The following ANKRD2 variants were observed in gnomAD, a reference collection of about 807,000 sequenced individuals.
The protein encoded by ANKRD2 is ankyrin repeat domain 2, also known as ankyrin repeat domain-containing protein 2.
ANKRD2 carries 35 observed loss-of-function variants against 37.3 expected under a neutral mutation model. That is an observed-to-expected ratio of 0.94 (90% CI 0.72 to 1.24). The LOEUF (loss-of-function observed/expected upper bound fraction) is 1.24. Ranked by LOEUF, ANKRD2 falls within the 50% of genes most tolerant of loss-of-function variation. ANKRD2 has a pLI of 0.00. For synonymous variants in ANKRD2, 159 were observed against 186.5 expected (o/e 0.85, Z 1.20); for missense variants, 410 against 445.6 (o/e 0.92, Z 0.72).
rs1370997209 is a variant in ANKRD2, at chr10:97,578,246, G to C, written c.196G>C (p.Glu66Gln). The change falls in exon 3 of 9, where the codon GAG becomes CAG. Residue 66 changes from glutamate to glutamine, a missense_variant. Glu to Gln is a conservative substitution (Grantham distance 29). Coordinates refer to ENST00000370655, the MANE Select transcript of ANKRD2 (RefSeq NM_001346793.2). ...SAALQKVKGQ[E>Q]RVRKTSLDLR... The stretch of plus-strand genomic sequence containing the variant: ...GATGGGCCATCCCGCGCAGGGCCAA[G>C]AGCGCGTGCGCAAGACGTCCCTGGA... 1 of 1,557,422 alleles carries C rather than the reference G, an allele frequency of 6.4e-7. No homozygotes were observed. The highest frequency in any genetic ancestry group is 1.4e-5 in the African/African-American group (1 of 72,596).
intron 4 of ANKRD2, among the ~76,000 whole-genome samples, chr10:97,579,191 A>G (rs1387716148): frequency 1.3e-5 from 2 of 151,136 alleles, no homozygotes; most frequent in South Asian, 4.2e-4. Context: ...TTTTTTTGGT[A>G]AAAGGAAAAA....
intron 3 of ANKRD2, 30 bp downstream of exon 3, chr10:97,578,428 G>A: frequency 6.2e-7 from 1 of 1,611,906 alleles, no homozygotes; most frequent in Non-Finnish European, 8.5e-7. Context: ...CACCGCGAGG[G>A]GGCGGAGGGG....
Position 97,582,404 on chromosome 10 carries a change from CAG to C in ANKRD2, c.748_749del (p.Asp250GlnfsTer9), listed in dbSNP as rs1236307679. On this transcript the variant is annotated frameshift_variant, in exon 7 of 9. Coordinates refer to ENST00000370655, the MANE Select transcript of ANKRD2 (RefSeq NM_001346793.2). LOFTEE classifies it high-confidence loss of function. The stretch of plus-strand genomic sequence containing the variant: ...TATCCCTGGGCCTGGAAATCAATGC[CAG>C]AGACAGGGTGAGTGCTAGCCTGTCC... The part of the protein sequence containing the change: ...FLSLGLEINA[R>X]DREGDTALHD... 6.4e-7 allele frequency: 1 copy of C among 1,566,162 alleles called. No individual in the cohort carries two copies. The highest frequency in any genetic ancestry group is 8.7e-7 in the Non-Finnish European group (1 of 1,155,242).
In ANKRD2 at chr10:97,583,723, T is replaced by C; in HGVS notation, c.1000T>C (p.Ter334ArgextTer28). The change falls in exon 9 of 9, where the codon TGA becomes CGA. Residue 334 changes from the stop codon to arginine (R), a stop_lost. Coordinates refer to ENST00000370655, the MANE Select transcript of ANKRD2 (RefSeq NM_001346793.2). ...GACCCCTCAGCCTGTGCCAGCCCAGTGAATGCGTGCCCCAGCCCAGCCAGC... is the reference window on the plus strand; with the variant it reads ...GACCCCTCAGCCTGTGCCAGCCCAGCGAATGCGTGCCCCAGCCCAGCCAGC... ...RETPQPVPAQ* is the reference protein window; with the variant it reads ...RETPQPVPAQR 1 of 1,531,798 alleles carries C rather than the reference T, an allele frequency of 6.5e-7. No individual in the cohort carries two copies. The highest frequency in any genetic ancestry group is 8.8e-7 in the Non-Finnish European group (1 of 1,140,622). The allele number at this position is 1,531,798 out of a possible 1,614,324, so 94.9% of individuals were successfully genotyped here. A position where few individuals can be genotyped will look rare whatever the true frequency, so the allele number is the denominator to read the frequency against.
chr10:97,573,169 A>AGCCC (rs1276200208), intron 1 of ANKRD2, among the ~76,000 whole-genome samples: 2 of 152,180 alleles, frequency 1.3e-5, no homozygotes, highest in Non-Finnish European at 2.9e-5. Flanking sequence ...CAAAGCAGAC[A>AGCCC]GCTGGGTGCT....
At chr10:97,573,401 G>A (rs1024002573) in intron 1 of ANKRD2, among the ~76,000 whole-genome samples, 4 of 151,904 alleles carry the variant, frequency 2.6e-5, no homozygotes, top group Admixed American at 2.0e-4. Context: ...GAAGTGGAGC[G>A]GTGGCAGGGG....
chr10:97,582,476 C>T (rs981637978), intron 7 of ANKRD2, 63 bp downstream of exon 7: 1 of 1,588,492 alleles, frequency 6.3e-7, no homozygotes, highest in Non-Finnish European at 8.6e-7. Flanking sequence ...CGGGCCCCTA[C>T]AGGTGGTGTC....
At chr10:97,578,144 G>GGGGCCCCCCCC in intron 2 of ANKRD2, 96 bp from the exon 3 acceptor site, 1 of 685,432 alleles carries the variant, frequency 1.5e-6, no homozygotes, top group Non-Finnish European at 2.5e-6. Context: ...GGGTCTTCCT[G>GGGGCCCCCCCC]CCCACCCCAC....
At chr10:97,578,147 C>CCCCCCCCCCCCCCCCCCCCA in intron 2 of ANKRD2, 93 bp from the exon 3 acceptor site, 4 of 718,820 alleles carry the variant, frequency 5.6e-6, no homozygotes, top group East Asian at 2.9e-5. Context: ...TCTTCCTGCC[C>CCCCCCCCCCCCCCCCCCCCA]ACCCCACCCT....
intron 2 of ANKRD2, 78 bp from the exon 3 acceptor site, chr10:97,578,161 CA>C: frequency 7.5e-7 from 1 of 1,338,006 alleles, no homozygotes; most frequent in Non-Finnish European, 1.0e-6. Flanking sequence ...CCACCCTCCC[CA>C]CCAGCTTAGC....
chr10:97,575,052 A>G (rs1022347794), intron 1 of ANKRD2, among the ~76,000 whole-genome samples: 3 of 152,258 alleles, frequency 2.0e-5, no homozygotes, highest in African/African-American at 7.2e-5. Context: ...ATAGCAATCT[A>G]TGACGTAAAG....
chr10:97,572,744 C>G, upstream of ANKRD2: 1 of 1,605,004 alleles, frequency 6.2e-7, no homozygotes, highest in Non-Finnish European at 8.5e-7. Flanking sequence ...GGTGGGTGCT[C>G]TGGCCTATAA....
At chr10:97,574,326 T>C (rs1172348409) in intron 1 of ANKRD2, among the ~76,000 whole-genome samples, 1 of 150,316 alleles carries the variant, frequency 6.7e-6, no homozygotes, top group African/African-American at 2.4e-5. Flanking sequence ...GGAGGATACC[T>C]GAGCTGGGCC....
intron 6 of ANKRD2, 104 bp downstream of exon 6, chr10:97,581,518 A>C (rs546810729): frequency 2.6e-5 from 31 of 1,172,386 alleles, no homozygotes; most frequent in Non-Finnish European, 1.2e-6. Flanking sequence ...GTAGTGAGCT[A>C]GTCTGGTTTC....
chr10:97,572,600 G>A (rs1023125733), upstream of ANKRD2: 21 of 1,365,202 alleles, frequency 1.5e-5, no homozygotes, highest in Admixed American at 5.1e-5. Context: ...AGGAGTTGGG[G>A]GGGCAACTGG....
intron 8 of ANKRD2, 114 bp downstream of exon 8, chr10:97,582,816 C>A (rs2040919383): frequency 2.3e-6 from 2 of 869,374 alleles, no homozygotes; most frequent in Non-Finnish European, 1.9e-6. Context: ...TGGCTCTGGC[C>A]AGCACCATAG....
chr10:97,572,909 T>C, intron 1 of ANKRD2, 34 bp downstream of exon 1: 1 of 1,541,864 alleles, frequency 6.5e-7, no homozygotes, highest in Non-Finnish European at 8.8e-7. Context: ...CAAGGGGGTC[T>C]GAGGAGATCC....
intron 4 of ANKRD2, 131 bp from the exon 5 acceptor site, chr10:97,580,724 C>A: frequency 1.5e-6 from 1 of 679,290 alleles, no homozygotes; most frequent in Non-Finnish European, 2.5e-6. Context: ...GCTGGCAGAA[C>A]ACAGAAAACA....
chr10:97,580,765 C>A, intron 4 of ANKRD2, 90 bp from the exon 5 acceptor site: 3 of 943,848 alleles, frequency 3.2e-6, no homozygotes, highest in South Asian at 1.5e-5. Context: ...GAGAATCAAG[C>A]TGGGGGGAAG....
Sources: gnomAD v4.1 joint callset for allele counts (sites outside exome capture counted in the v4.1 genomes callset) on GRCh38, gnomAD v4.1.1 for gene constraint, MANE v1.5 for transcripts, NCBI Gene and HGNC (gene_info 2026-07-23, HGNC 2026-07-21) for gene names.